COL6A3: variants seen among roughly 807,000 people sequenced by gnomAD.
COL6A3 encodes collagen alpha-3(VI) chain.
In COL6A3, 137 loss-of-function variants were observed where a neutral mutation model predicts 274.1. That is an observed-to-expected ratio of 0.50 (90% CI 0.44 to 0.58). The LOEUF is 0.58. Ranked by LOEUF, COL6A3 falls within the 20% of genes least tolerant of loss-of-function variation. The probability of loss-of-function intolerance (pLI) is 0.00; values close to 1 mark genes in which losing one functional copy is unlikely to be tolerated. For synonymous variants in COL6A3, 1,650 were observed against 1,650.6 expected (o/e 1.00, Z 0.01); for missense variants, 3,950 against 4,124.9 (o/e 0.96, Z 1.16).
At position 237,353,398 on chromosome 2, in the gene COL6A3, G is replaced by A; in HGVS notation, c.6633C>T (p.Asn2211=). The change falls in exon 25 of 44, where the codon AAC becomes AAT. Residue 2211 remains asparagine, a synonymous_variant. Coordinates refer to ENST00000295550, the MANE Select transcript of COL6A3 (RefSeq NM_004369.4). ...GRRGPPGAKG[N]KGGPGQPGFE... is the part of the protein sequence containing the mutation. ...AGCCCGGCTGGCCAGGACCGCCCTT[G>A]TTGCCCTTTGAAATAAGAGAAGATG... The A allele has an allele frequency of 6.2e-7, 1 of 1,614,054 alleles. No individual in the cohort carries two copies. The highest frequency in any genetic ancestry group is 8.5e-7 in the Non-Finnish European group (1 of 1,179,984).
At position 237,376,931 on chromosome 2, in the gene COL6A3, A is replaced by C. The variant is rs771659903; in HGVS notation, c.2911T>G (p.Phe971Val). 6.2e-7 allele frequency: 1 copy of C among 1,614,208 alleles called. No individual in the cohort carries two copies. Among genetic ancestry groups the C allele is most frequent in the Non-Finnish European group, 8.5e-7 (1 of 1,180,040 alleles). Reference sequence around the variant, plus strand: ...TCTGCGTTCTTGGCTTGGAAGATGAAAGGCACAACCCCACTCTGCTTCAGG... The same window carrying C: ...TCTGCGTTCTTGGCTTGGAAGATGACAGGCACAACCCCACTCTGCTTCAGG... ...SNLKQSGVVP[F>V]IFQAKNADPA... The change falls in exon 7 of 44, where the codon TTC (phenylalanine) becomes GTC (valine). Residue 971 changes from phenylalanine (F) to valine (V), a missense_variant. Coordinates refer to ENST00000295550, the MANE Select transcript of COL6A3 (RefSeq NM_004369.4).
intron 32 of COL6A3, 126 bp downstream of exon 32, chr2:237,346,377 G>T (rs2106326765): frequency 6.6e-5 from 53 of 800,020 alleles, no homozygotes; most frequent in Non-Finnish European, 9.6e-5. Flanking sequence ...GAGGCGGTTT[G>T]ACAACCAAGC....
chr2:237,341,343 A>C (rs1441241681), intron 37 of COL6A3, among the ~76,000 whole-genome samples, 193 bp from the exon 38 acceptor site: 2 of 152,154 alleles, frequency 1.3e-5, no homozygotes, highest in Non-Finnish European at 2.9e-5. Flanking sequence ...CAAGAGATCG[A>C]GATCATCCTG....
intron 9 of COL6A3, among the ~76,000 whole-genome samples, chr2:237,370,206 T>A (rs541587316): frequency 1.5e-4 from 23 of 151,644 alleles, no homozygotes; most frequent in East Asian, 7.7e-4. Context: ...AGCGCATTTT[T>A]AAAAATATTT....
chr2:237,398,436 C>G (rs2078507222), intron 1 of COL6A3, among the ~76,000 whole-genome samples: 2 of 152,194 alleles, frequency 1.3e-5, no homozygotes, highest in South Asian at 2.1e-4. Context: ...TCTTCACTCT[C>G]CAATCTCCAA....
Position 237,413,106 on chromosome 2 carries a change from A to C in COL6A3, c.-31+847T>G, listed in dbSNP as rs1376249378. Among the ~76,000 whole-genome samples the C allele has an allele frequency of 6.6e-6, 1 of 152,186 alleles. No homozygotes were observed. The highest frequency in any genetic ancestry group is 2.4e-5 in the African/African-American group (1 of 41,452). On this transcript the variant is annotated intron_variant, in intron 1 of 43. Coordinates refer to ENST00000295550, the MANE Select transcript of COL6A3 (RefSeq NM_004369.4). The surrounding 1 kb of genome is among the most constrained non-coding windows in gnomAD (Gnocchi z 4.0). Reference sequence around the variant, plus strand: ...GTCAGCGAACGTGTCCATCCTCAGCAAGAGAGGGCCCGAGCCCCACCCTGC... The same window carrying C: ...GTCAGCGAACGTGTCCATCCTCAGCCAGAGAGGGCCCGAGCCCCACCCTGC...
chr2:237,362,592 C>T (rs1413365751), intron 14 of COL6A3, among the ~76,000 whole-genome samples: 1 of 152,192 alleles, frequency 6.6e-6, no homozygotes, highest in South Asian at 2.1e-4. Context: ...TCTAACCCTG[C>T]AAAGAAGTAT....
chr2:237,337,547 C>T (rs1700610732), intron 39 of COL6A3, among the ~76,000 whole-genome samples: 1 of 152,212 alleles, frequency 6.6e-6, no homozygotes, highest in African/African-American at 2.4e-5. Context: ...CTTTCCCCAT[C>T]TTGAGAGTCA....
chr2:237,351,346 C>CG (rs1471304393), intron 26 of COL6A3, among the ~76,000 whole-genome samples, 154 bp from the exon 27 acceptor site: 3 of 152,208 alleles, frequency 2.0e-5, no homozygotes, highest in South Asian at 2.1e-4. Context: ...GCTCTGAGCA[C>CG]GGGGCTACGG....
At chr2:237,343,041 C>T (rs1249115201) in intron 36 of COL6A3, 1 of 152,216 alleles carries the variant, frequency 6.6e-6, no homozygotes, top group African/African-American at 2.4e-5. Context: ...ATCTGAGACG[C>T]AGGGACGCTA....
At chr2:237,362,822 G>T (rs1444811669) in intron 14 of COL6A3, among the ~76,000 whole-genome samples, 1 of 152,182 alleles carries the variant, frequency 6.6e-6, no homozygotes, top group Non-Finnish European at 1.5e-5. Context: ...ACTAGGGAGG[G>T]CAATTAAAGC....
rs141848851 is a variant in COL6A3, at chr2:237,385,561, C to G, written c.1312+2021G>C. Among the ~76,000 whole-genome samples the G allele has an allele frequency of 3.1e-3, 470 of 152,302 alleles. 5 individuals are homozygous for G. The highest frequency in any genetic ancestry group is 0.024 in the Admixed American group (367 of 15,296). The stretch of plus-strand genomic sequence containing the variant: ...GGCAGGTCCACAGAAGACCCAAGAC[C>G]AGAGACCAGCTTTCCCATCTACAGC... On this transcript the variant is annotated intron_variant, in intron 4 of 43. Coordinates refer to ENST00000295550, the MANE Select transcript of COL6A3 (RefSeq NM_004369.4).
At chr2:237,350,667 G>T (rs1473160100) in intron 27 of COL6A3, among the ~76,000 whole-genome samples, 1 of 152,224 alleles carries the variant, frequency 6.6e-6, no homozygotes, top group Non-Finnish European at 1.5e-5. Flanking sequence ...CAGACTTGCT[G>T]TTATCCAGGA....
In COL6A3 at chr2:237,364,303, G is replaced by A. The variant is rs192211894; in HGVS notation, c.5917+47C>T. On this transcript the variant is annotated intron_variant, in intron 13 of 43. Transcript: ENST00000295550. The surrounding 1 kb of genome is among the most constrained non-coding windows in gnomAD (Gnocchi z 4.6). ...TCTCTCCAGCAGAGCAGTACACCCC[G>A]CCTCACCAGGGTTTACTTCTCATAT... The A allele has an allele frequency of 5.0e-5, 73 of 1,451,516 alleles. No homozygotes were observed. The East Asian group carries it at 8.1e-4, about 16-fold the overall frequency. 89.9% of individuals were successfully genotyped at this position (1,451,516 alleles called of 1,614,324 possible). A position where few individuals can be genotyped will look rare whatever the true frequency, so the allele number is the denominator to read the frequency against.
chr2:237,333,300 AGAT>A, intron 42 of COL6A3, 147 bp downstream of exon 42: 1 of 724,448 alleles, frequency 1.4e-6, no homozygotes, highest in East Asian at 2.7e-5. Flanking sequence ...ATGCAGAATA[AGAT>A]GATGTTGGGC....
chr2:237,396,636 TC>T, intron 2 of COL6A3, 90 bp downstream of exon 2: 1 of 1,284,910 alleles, frequency 7.8e-7, no homozygotes, highest in Non-Finnish European at 1.1e-6. Context: ...TAAGAACATA[TC>T]TAAGCTCTAT....
At chr2:237,379,935 C>T (rs183540541) in intron 5 of COL6A3, among the ~76,000 whole-genome samples, 177 of 152,342 alleles carry the variant, frequency 1.2e-3, no homozygotes, top group African/African-American at 3.8e-3. Flanking sequence ...AACTTATACA[C>T]ATCAAGAATA....
chr2:237,336,387 C>A lies in COL6A3; in HGVS notation c.8713G>T (p.Val2905Leu). The A allele has an allele frequency of 1.2e-6, 2 of 1,614,230 alleles. No homozygotes were observed. The highest frequency in any genetic ancestry group is 8.5e-7 in the Non-Finnish European group (1 of 1,180,050). The change falls in exon 40 of 44, where the codon GTG becomes TTG. Residue 2905 changes from valine to leucine, a missense_variant. Physicochemically the swap from Val to Leu is conservative, Grantham distance 32. This residue lies in a region of COL6A3 where 1,284 missense variants were observed against 1,349.7 expected (regional missense o/e 0.95). Coordinates refer to ENST00000295550, the MANE Select transcript of COL6A3 (RefSeq NM_004369.4). ...KPVTIINQPS[V>L]KPAAAKPAPA... ...GCCGGCTTTGCAGCGGCTGGCTTCA[C>A]AGATGGCTGATTTATAATAGTCACA... is the stretch of plus-strand genomic sequence containing the variant.
At position 237,361,260 on chromosome 2, in the gene COL6A3, G is replaced by A. The variant is rs878895854; in HGVS notation, c.6157-86C>T. 3 of 1,225,928 alleles carry A rather than the reference G, an allele frequency of 2.4e-6. No individual in the cohort carries two copies. In the East Asian group the frequency reaches 7.0e-5, roughly 29 times the overall value. 75.9% of individuals were successfully genotyped at this position (1,225,928 alleles called of 1,614,324 possible). ...AATCCCTGTGGTCCCCCTTCATTTG[G>A]CAGAGCAGCACTAAAACTCAGCATG... On this transcript the variant is annotated intron_variant, in intron 15 of 43. Coordinates refer to ENST00000295550, the MANE Select transcript of COL6A3 (RefSeq NM_004369.4). This position sits in a 1 kb window ranked among gnomAD's most constrained non-coding sequence, Gnocchi z 5.1.
Sources: gnomAD v4.1 joint callset for allele counts (sites outside exome capture counted in the v4.1 genomes callset) on GRCh38, gnomAD v4.1.1 for gene constraint, gnomAD v4.1.1 regional missense constraint, Gnocchi (gnomAD v3.1) non-coding constraint, MANE v1.5 for transcripts, NCBI Gene and HGNC (gene_info 2026-07-23, HGNC 2026-07-21) for gene names.